Variants in CPVL observed in about 807,000 individuals in gnomAD.
CPVL encodes the protein carboxypeptidase vitellogenic like, also known as probable serine carboxypeptidase CPVL.
CPVL carries 51 observed loss-of-function variants against 63.7 expected under a neutral mutation model. That is an observed-to-expected ratio of 0.80 (90% CI 0.64 to 1.01). CPVL has a LOEUF of 1.01. CPVL is among the 50% of genes least tolerant of loss of function. The pLI is 0.00. For synonymous variants in CPVL, 195 were observed against 206.0 expected (o/e 0.95, Z 0.46); for missense variants, 530 against 573.1 (o/e 0.92, Z 0.77).
chr7:29,088,978 A>T (rs1785496952), intron 6 of CPVL, among the ~76,000 whole-genome samples: 1 of 152,168 alleles, frequency 6.6e-6, no homozygotes, highest in African/African-American at 2.4e-5. Flanking sequence ...CGTCTCAATA[A>T]TAATAATAAT....
intron 7 of CPVL, among the ~76,000 whole-genome samples, chr7:29,085,177 C>T (rs1393239786): frequency 6.6e-6 from 1 of 152,158 alleles, no homozygotes; most frequent in Non-Finnish European, 1.5e-5. Context: ...GAAAAAGAAA[C>T]AGCATTCTGT....
upstream of CPVL, among the ~76,000 whole-genome samples, chr7:29,149,342 G>A (rs115349686): frequency 0.017 from 2,542 of 151,680 alleles, 52 homozygotes; most frequent in African/African-American, 0.057. Context: ...ACAAGCACCC[G>A]CCACCACAGC....
chr7:29,059,394 T>G (rs1260670526), intron 11 of CPVL, among the ~76,000 whole-genome samples: 1 of 152,050 alleles, frequency 6.6e-6, no homozygotes, highest in Non-Finnish European at 1.5e-5. Context: ...AAAGATATCA[T>G]AAGAAAAAAG....
rs1408436982 is a variant in CPVL at position 29,031,019 on chromosome 7, A to G, written c.1138-260T>C. Among the ~76,000 whole-genome samples, 3 of 152,198 alleles carry G rather than the reference A, an allele frequency of 2.0e-5. 1 individual carries two copies. Among genetic ancestry groups the G allele is most frequent in the Non-Finnish European group, 4.4e-5 (3 of 68,038 alleles). ...TGTTGTATTACTCAGTGATACATAT[A>G]TACAGGTTTTACTTGGACTTATGGC... On this transcript the variant is annotated intron_variant, in intron 11 of 12. Transcript: ENST00000265394.
intron 1 of CPVL, among the ~76,000 whole-genome samples, chr7:29,140,197 T>A (rs570937932): frequency 1.3e-5 from 2 of 152,266 alleles, no homozygotes; most frequent in East Asian, 3.9e-4. Context: ...CCCGGCACTT[T>A]AGGAGGCCGA....
intron 3 of CPVL, among the ~76,000 whole-genome samples, chr7:29,105,402 G>A (rs1175451874): frequency 6.6e-6 from 1 of 152,206 alleles, no homozygotes; most frequent in Non-Finnish European, 1.5e-5. Flanking sequence ...GCCTGGAGAA[G>A]CAAAGCATGT....
chr7:29,044,896 C>T (rs901499723), intron 11 of CPVL, among the ~76,000 whole-genome samples: 3 of 152,318 alleles, frequency 2.0e-5, no homozygotes, highest in Admixed American at 2.0e-4. Flanking sequence ...ACCACTCTCA[C>T]CATGCCATGT....
chr7:29,147,349 G>A (rs574336150), upstream of CPVL: 50 of 179,584 alleles, frequency 2.8e-4, no homozygotes, highest in Non-Finnish European at 5.1e-4. Context: ...TCTCCTCACA[G>A]CTAGCTGCAG....
intron 5 of CPVL, 68 bp from the exon 6 acceptor site, chr7:29,092,770 TC>T: frequency 9.1e-7 from 1 of 1,102,184 alleles, no homozygotes; most frequent in Non-Finnish European, 1.4e-6. Flanking sequence ...TGCAGAGAGG[TC>T]CCACACTGGA....
intron 5 of CPVL, among the ~76,000 whole-genome samples, chr7:29,156,915 T>A (rs1794453166): frequency 6.6e-6 from 1 of 152,212 alleles, no homozygotes; most frequent in South Asian, 2.1e-4. Flanking sequence ...GTGATACATC[T>A]AATTTTAACA....
upstream of CPVL, chr7:29,146,821 G>T: frequency 6.4e-7 from 1 of 1,550,574 alleles, no homozygotes; most frequent in Non-Finnish European, 8.7e-7. Context: ...TTTCAACCCT[G>T]TATTTTGAAA....
intron 5 of CPVL, among the ~76,000 whole-genome samples, chr7:29,160,878 T>C (rs187534031): frequency 2.6e-5 from 4 of 152,314 alleles, no homozygotes; most frequent in Admixed American, 2.6e-4. Flanking sequence ...TTGATAGTCT[T>C]TTCTATTTTT....
intron 3 of CPVL, among the ~76,000 whole-genome samples, chr7:29,098,143 G>A (rs900368217): frequency 6.6e-6 from 1 of 152,140 alleles, no homozygotes; most frequent in African/African-American, 2.4e-5. Flanking sequence ...ACAAATCAAG[G>A]TGTTGTTGGA....
intron 5 of CPVL, among the ~76,000 whole-genome samples, chr7:29,152,486 A>G (rs1235167751): frequency 6.6e-6 from 1 of 152,154 alleles, no homozygotes; most frequent in Non-Finnish European, 1.5e-5. Flanking sequence ...TACCCACTCT[A>G]TCCACCTTTA....
In CPVL at chr7:29,117,952, C is replaced by A. The variant is rs1248986582; in HGVS notation, c.169+2941G>T. On this transcript the variant is annotated intron_variant, in intron 2 of 12. Transcript: ENST00000265394. ...TCTAGTATTTTCTCCCTCGATTATG[C>A]CAACCGACAGGGATAGGTTCCTCCT... is the stretch of plus-strand genomic sequence containing the variant. 2.0e-5 allele frequency among the ~76,000 whole-genome samples: 3 copies of A among 152,192 alleles called. No individual in the cohort carries two copies. The East Asian group carries it at 5.8e-4, about 29-fold the overall frequency.
rs148726364 is a variant in CPVL at position 29,179,137 on chromosome 7, C to T, written c.-11+2153G>A. Among the ~76,000 whole-genome samples, 407 of 152,186 alleles carry T rather than the reference C, an allele frequency of 2.7e-3. 2 individuals carry two copies. The highest frequency in any genetic ancestry group is 9.2e-3 in the African/African-American group (384 of 41,534). ...TCCTCATGGACCCTTTGAAAACAGC[C>T]CCTCCATTTTCTTTTTGCCAAGCTT... On this transcript the variant is annotated intron_variant, in intron 5 of 16. Transcript: ENST00000409850.
downstream of CPVL, chr7:28,995,179 T>TTAAG (rs142599875): frequency 0.085 from 12,996 of 152,324 alleles, 615 homozygotes; most frequent in Middle Eastern, 0.12. Flanking sequence ...AAGGCAAAGA[T>TTAAG]TAAGTTTGTT....
At chr7:29,131,463 T>C (rs1452324233) in intron 1 of CPVL, among the ~76,000 whole-genome samples, 1 of 152,224 alleles carries the variant, frequency 6.6e-6, no homozygotes, top group Non-Finnish European at 1.5e-5. Flanking sequence ...ATGATTCTAG[T>C]ACATTTCTCA....
intron 12 of CPVL, among the ~76,000 whole-genome samples, chr7:29,027,706 T>C (rs1229932631): frequency 2.0e-5 from 3 of 152,032 alleles, no homozygotes; most frequent in Non-Finnish European, 2.9e-5. Context: ...AAAAAAGAAA[T>C]CAAGAAAGCA....
Sources: gnomAD v4.1 joint callset for allele counts (sites outside exome capture counted in the v4.1 genomes callset) on GRCh38, gnomAD v4.1.1 for gene constraint, MANE v1.5 for transcripts, NCBI Gene and HGNC (gene_info 2026-07-23, HGNC 2026-07-21) for gene names.